The following SMAD2 variants were observed in gnomAD, a reference collection of about 807,000 sequenced individuals.
The protein encoded by SMAD2 is SMAD family member 2.
A neutral mutation model predicts 64.4 loss-of-function variants in SMAD2; 8 were observed. That is an observed-to-expected ratio of 0.12 (90% CI 0.07 to 0.22). The LOEUF (loss-of-function observed/expected upper bound fraction) is 0.22, where lower values mean the gene tolerates loss of function less well. Among genes scored for constraint, SMAD2 ranks in the 10% least tolerant of loss-of-function variants. The probability of loss-of-function intolerance (pLI) is 1.00; values close to 1 mark genes in which losing one functional copy is unlikely to be tolerated. For synonymous variants in SMAD2, 203 were observed against 195.8 expected, an observed-to-expected ratio of 1.04 and a Z score of -0.31; for missense variants, 289 against 561.2, an observed-to-expected ratio of 0.51 and a Z score of 4.90.
intron 1 of SMAD2, among the ~76,000 whole-genome samples, chr18:47,919,469 TACACACACACACACACACACACACACAC>T (rs66523523): frequency 4.6e-5 from 6 of 129,958 alleles, no homozygotes; most frequent in African/African-American, 9.0e-5. Flanking sequence ...AAAAAAAAAA[TACACACACACACACACACACACACACAC>T]ACACACACAC....
At chr18:47,876,576 C>G (rs2032276085) in intron 2 of SMAD2, among the ~76,000 whole-genome samples, 2 of 151,990 alleles carry the variant, frequency 1.3e-5, no homozygotes, top group African/African-American at 4.8e-5. Context: ...AAGTCATAAA[C>G]ATACTAATAT....
chr18:47,921,942 A>G (rs1475319759), intron 1 of SMAD2, among the ~76,000 whole-genome samples: 1 of 152,260 alleles, frequency 6.6e-6, no homozygotes, highest in Non-Finnish European at 1.5e-5. Context: ...AAGACAGTAT[A>G]AACAATAACA....
chr18:47,868,291 C>G, intron 5 of SMAD2, 32 bp downstream of exon 5: 2 of 1,589,604 alleles, frequency 1.3e-6, no homozygotes, highest in Non-Finnish European at 1.7e-6. Flanking sequence ...TGTATCTATC[C>G]AAGTTTTAGG....
chr18:47,894,597 C>T (rs1187219751), intron 2 of SMAD2, among the ~76,000 whole-genome samples: 3 of 152,192 alleles, frequency 2.0e-5, no homozygotes, highest in Non-Finnish European at 4.4e-5. Flanking sequence ...CCTAATTCCT[C>T]CTTTACCCCG....
intron 6 of SMAD2, among the ~76,000 whole-genome samples, chr18:47,854,783 CT>C (rs1355569084): frequency 2.0e-5 from 3 of 152,112 alleles, no homozygotes; most frequent in Non-Finnish European, 2.9e-5. Context: ...GACCCCTGCC[CT>C]GCTTCCCCAA....
At chr18:47,848,828 T>C (rs528894839) in intron 7 of SMAD2, 141 bp from the exon 8 acceptor site, 19 of 656,990 alleles carry the variant, frequency 2.9e-5, no homozygotes, top group South Asian at 1.5e-4. Flanking sequence ...ACATAGTATC[T>C]GTATCGGTTT....
At chr18:47,875,046 G>C (rs1314429943) in intron 2 of SMAD2, among the ~76,000 whole-genome samples, 1 of 152,098 alleles carries the variant, frequency 6.6e-6, no homozygotes, top group Admixed American at 6.6e-5. Flanking sequence ...ATTACTATAA[G>C]AGACAAATAA....
chr18:47,869,632 T>G (rs2031812114), intron 3 of SMAD2, among the ~76,000 whole-genome samples, 196 bp from the exon 4 acceptor site: 1 of 152,280 alleles, frequency 6.6e-6, no homozygotes, highest in Non-Finnish European at 1.5e-5. Context: ...CACTAGCAGA[T>G]GTTTCTTATA....
chr18:47,923,816 C>G (rs2034655813), intron 1 of SMAD2, among the ~76,000 whole-genome samples: 1 of 152,210 alleles, frequency 6.6e-6, no homozygotes, highest in Non-Finnish European at 1.5e-5. Context: ...TGTTTTAAGT[C>G]TGACTACTAC....
intron 6 of SMAD2, 110 bp downstream of exon 6, chr18:47,864,949 G>A: frequency 1.4e-6 from 1 of 703,120 alleles, no homozygotes; most frequent in Non-Finnish European, 2.6e-6. Flanking sequence ...ATCTTTTTTG[G>A]TATGCGTCTC....
In SMAD2 at chr18:47,842,020, G is replaced by T. The variant is rs1779049910; in HGVS notation, c.1281-70C>A. 2.6e-6 allele frequency: 4 copies of T among 1,510,158 alleles called. No individual in the cohort carries two copies. In the African/African-American group the frequency reaches 5.5e-5, roughly 21 times the overall value. 93.5% of individuals were successfully genotyped at this position (1,510,158 alleles called of 1,614,324 possible). On this transcript the variant is annotated intron_variant, in intron 10 of 10. Coordinates refer to ENST00000262160, the MANE Select transcript of SMAD2 (RefSeq NM_005901.6). ...CAGGCAGGGAAAATGGCTATGTTTAGGTACACTGCATTAAAAATTTACAGA... is the reference window on the plus strand; with the variant it reads ...CAGGCAGGGAAAATGGCTATGTTTATGTACACTGCATTAAAAATTTACAGA...
chr18:47,915,683 T>C (rs567090040), intron 1 of SMAD2, among the ~76,000 whole-genome samples: 2 of 152,296 alleles, frequency 1.3e-5, no homozygotes, highest in East Asian at 3.9e-4. Flanking sequence ...TTCTCTAAAC[T>C]GAGGGTCGCG....
intron 1 of SMAD2, among the ~76,000 whole-genome samples, chr18:47,913,363 G>T (rs1029105153): frequency 2.0e-5 from 3 of 152,168 alleles, no homozygotes; most frequent in African/African-American, 7.2e-5. Flanking sequence ...TGGGTCATCT[G>T]AATGGCCACA....
chr18:47,859,692 G>A (rs1055872806), intron 6 of SMAD2, among the ~76,000 whole-genome samples: 4 of 152,062 alleles, frequency 2.6e-5, no homozygotes, highest in Admixed American at 6.5e-5. Context: ...ACAAATCAAT[G>A]ATCTAAATGT....
intron 2 of SMAD2, among the ~76,000 whole-genome samples, chr18:47,872,526 AG>A (rs538075660): frequency 7.9e-4 from 121 of 152,316 alleles, no homozygotes; most frequent in Non-Finnish European, 1.4e-3. Flanking sequence ...GATGACTTAA[AG>A]CAGGAGTCTC....
At chr18:47,890,906 G>A (rs1404616510) in intron 2 of SMAD2, among the ~76,000 whole-genome samples, 1 of 152,172 alleles carries the variant, frequency 6.6e-6, no homozygotes. Flanking sequence ...AAGCAAAAGG[G>A]TATGAACATG....
intron 7 of SMAD2, among the ~76,000 whole-genome samples, chr18:47,850,121 T>C (rs1389577698): frequency 7.3e-6 from 1 of 136,732 alleles, no homozygotes; most frequent in Non-Finnish European, 1.5e-5. Context: ...GATGCTGAAC[T>C]CATGGTTATG....
rs1387495508 is a variant in SMAD2, at chr18:47,812,180, G to T, written c.*29647C>A. The T allele has an allele frequency of 6.6e-6, 1 of 152,180 alleles. No individual in the cohort carries two copies. The highest frequency in any genetic ancestry group is 2.4e-5 in the African/African-American group (1 of 41,428). The allele number at this position is 152,180 out of a possible 1,614,324, so 9.4% of individuals were successfully genotyped here. ...AGTGAGAGGTAACTGAATCATGGGGGTGGGTCTTTCCCGTGCTGCTCTTGT... is the reference window on the plus strand; with the variant it reads ...AGTGAGAGGTAACTGAATCATGGGGTTGGGTCTTTCCCGTGCTGCTCTTGT... On this transcript the variant is annotated 3_prime_UTR_variant, in exon 11 of 11. Coordinates refer to ENST00000262160, the MANE Select transcript of SMAD2 (RefSeq NM_005901.6).
In SMAD2 at chr18:47,865,068, T is replaced by A; in HGVS notation, c.721A>T (p.Met241Leu). 1 of 1,593,858 alleles carries A rather than the reference T, an allele frequency of 6.3e-7. No individual in the cohort carries two copies. Among genetic ancestry groups the A allele is most frequent in the Non-Finnish European group, 8.6e-7 (1 of 1,162,020 alleles). Reference protein sequence around the residue: ...ETSDQQLNQSMDTGSPAELSP... With the variant: ...ETSDQQLNQSLDTGSPAELSP... Reference sequence around the variant, plus strand: ...AAGACATTTTTTTTACCTGTGTCCATACTTTGATTCAACTGTTGGTCACTT... The same window carrying A: ...AAGACATTTTTTTTACCTGTGTCCAAACTTTGATTCAACTGTTGGTCACTT... Residue 241 changes from methionine (M) to leucine (L), a missense_variant, in exon 6 of 11, where the codon ATG (methionine) becomes TTG (leucine). Physicochemically the swap from Met to Leu is conservative, Grantham distance 15. This residue lies in a region of SMAD2 where 119 missense variants were observed against 156.7 expected (regional missense o/e 0.76). Transcript: ENST00000262160.
Sources: allele counts gnomAD v4.1 joint callset (sites outside exome capture counted in the v4.1 genomes callset), GRCh38; gene constraint gnomAD v4.1.1; regional missense constraint gnomAD v4.1.1; transcripts MANE v1.5; gene names NCBI Gene and HGNC (gene_info 2026-07-23, HGNC 2026-07-21).